The following ZMYND11 variants were observed in gnomAD, a reference collection of about 807,000 sequenced individuals.
ZMYND11 encodes zinc finger MYND-type containing 11, also known as zinc finger MYND domain-containing protein 11.
Under a neutral mutation model 84.9 loss-of-function variants are expected in ZMYND11, and 9 were observed. The observed-to-expected ratio is 0.11, with a 90% CI of 0.06 to 0.18. ZMYND11 has a LOEUF of 0.18. Among genes scored for constraint, ZMYND11 ranks in the 10% least tolerant of loss-of-function variants. The pLI is 1.00. For synonymous variants in ZMYND11, 250 were observed against 244.1 expected (o/e 1.02, Z -0.23); for missense variants, 409 against 761.0 (o/e 0.54, Z 5.44).
intron 1 of ZMYND11, among the ~76,000 whole-genome samples, chr10:175,565 G>A (rs1554766766): frequency 6.6e-6 from 1 of 151,874 alleles, no homozygotes; most frequent in Non-Finnish European, 1.5e-5. Context: ...GCGAAACTCC[G>A]CCTCAAAAAA....
chr10:190,237 G>A (rs1230060233), intron 2 of ZMYND11, among the ~76,000 whole-genome samples: 1 of 152,076 alleles, frequency 6.6e-6, no homozygotes, highest in Non-Finnish European at 1.5e-5. Context: ...CCCTAGCTTT[G>A]CTAGTCTCTG....
intron 5 of ZMYND11, 128 bp downstream of exon 5, chr10:237,043 C>T (rs887002543): frequency 4.2e-5 from 33 of 781,944 alleles, no homozygotes; most frequent in East Asian, 5.9e-5. Flanking sequence ...GAGAGCACCC[C>T]GTCATGTCAT....
chr10:147,408 G>C (rs1437502993), intron 1 of ZMYND11, among the ~76,000 whole-genome samples: 3 of 151,964 alleles, frequency 2.0e-5, no homozygotes, highest in Admixed American at 2.0e-4. Context: ...TTCATATTTT[G>C]AGGTATGTTC....
intron 1 of ZMYND11, among the ~76,000 whole-genome samples, chr10:153,986 T>C (rs1352349211): frequency 6.6e-6 from 1 of 152,194 alleles, no homozygotes; most frequent in Non-Finnish European, 1.5e-5. Context: ...GGGTTTAACG[T>C]TTTCCTGACC....
chr10:149,316 TTATTATTA>T (rs1554756322), intron 1 of ZMYND11, among the ~76,000 whole-genome samples: 2 of 148,264 alleles, frequency 1.3e-5, no homozygotes. Context: ...ATTATTATTA[TTATTATTA>T]TTTTTCAGAC....
At chr10:177,679 AT>A (rs1421914129) in intron 1 of ZMYND11, among the ~76,000 whole-genome samples, 4 of 152,042 alleles carry the variant, frequency 2.6e-5, no homozygotes, top group Non-Finnish European at 5.9e-5. Flanking sequence ...GCTTTGCTGT[AT>A]TTTTTATAGT....
intron 4 of ZMYND11, among the ~76,000 whole-genome samples, chr10:223,848 G>T (rs1013893700): frequency 1.6e-4 from 25 of 152,020 alleles, no homozygotes; most frequent in Non-Finnish European, 3.1e-4. Context: ...CGTTTTTTAG[G>T]AGAGTGACCA....
intron 2 of ZMYND11, among the ~76,000 whole-genome samples, chr10:184,317 C>T (rs951051417): frequency 6.6e-6 from 1 of 152,084 alleles, no homozygotes; most frequent in African/African-American, 2.4e-5. Flanking sequence ...TACACACATC[C>T]TTATTTAGTT....
In ZMYND11 at chr10:173,937, C is replaced by T. The variant is rs1845970542; in HGVS notation, c.-19-6057C>T. Among the ~76,000 whole-genome samples, 4 of 152,106 alleles carry T rather than the reference C, an allele frequency of 2.6e-5. 1 individual carries two copies. In the South Asian group the frequency reaches 8.3e-4, roughly 32 times the overall value. On this transcript the variant is annotated intron_variant, in intron 1 of 14. Transcript: ENST00000381604. ...TGATGAGGATGTGGAACAATAGAAG[C>T]GCTCAGTCATTGCTGGTGGAAGTGC...
chr10:173,308 CTTTTG>C (rs1845806552), intron 1 of ZMYND11, among the ~76,000 whole-genome samples: 4 of 152,130 alleles, frequency 2.6e-5, no homozygotes, highest in Admixed American at 1.3e-4. Flanking sequence ...AAATTTAATA[CTTTTG>C]TTCTGTCAAA....
intron 4 of ZMYND11, among the ~76,000 whole-genome samples, chr10:229,190 ACAGTGGCATT>A (rs1264149760): frequency 7.2e-5 from 11 of 152,208 alleles, no homozygotes; most frequent in Admixed American, 2.0e-4. Context: ...AGATACAGCC[ACAGTGGCATT>A]CAGTGGCATT....
rs1835774345 is a variant in ZMYND11, at chr10:135,605, CG to C, written c.-20+47del. 6.7e-6 allele frequency: 1 copy of C among 149,182 alleles called. No homozygotes were observed. Among genetic ancestry groups the C allele is most frequent in the East Asian group, 2.0e-4 (1 of 5,002 alleles). 9.2% of individuals were successfully genotyped at this position (149,182 alleles called of 1,614,324 possible). On this transcript the variant is annotated intron_variant, in intron 1 of 14. Coordinates refer to ENST00000381604, the MANE Select transcript of ZMYND11 (RefSeq NM_001370100.5). The surrounding 1 kb of genome is among the most constrained non-coding windows in gnomAD (Gnocchi z 5.6). ...GGGCGGCGGGGCGGGCGGGGGCGTC[CG>C]TGGAGATGGCGCGGCCCGCGCGGTG...
intron 4 of ZMYND11, among the ~76,000 whole-genome samples, chr10:222,922 G>T (rs1446228541): frequency 6.6e-6 from 1 of 152,072 alleles, no homozygotes; most frequent in African/African-American, 2.4e-5. Context: ...TATTTCTTAT[G>T]GTAAGAATGG....
chr10:133,883 T>C (rs1230746021), upstream of ZMYND11, among the ~76,000 whole-genome samples: 5 of 152,232 alleles, frequency 3.3e-5, no homozygotes, highest in Admixed American at 2.6e-4. Flanking sequence ...GGGCTGTGAA[T>C]AGCATGAAAG....
chr10:164,647 C>G (rs527376772), intron 1 of ZMYND11, among the ~76,000 whole-genome samples: 4 of 152,168 alleles, frequency 2.6e-5, no homozygotes, highest in Non-Finnish European at 5.9e-5. Context: ...CAAATCCACA[C>G]GTGGCCTCAC....
chr10:184,898 C>CA lies in ZMYND11; in HGVS notation c.116+4770_116+4771insA, dbSNP rs1474930011. Among the ~76,000 whole-genome samples the CA allele has an allele frequency of 8.1e-5, 11 of 136,188 alleles. No homozygotes were observed. In the East Asian group the frequency reaches 1.0e-3, roughly 13 times the overall value. The allele number at this position is 136,188 out of a possible 152,430, so 89.3% of individuals were successfully genotyped here. The stretch of plus-strand genomic sequence containing the variant: ...CCTGGGTTTTTCTCCATCTTTTCCC[C>CA]GTTTTTTTTTGTGGAATCACCTTTT... On this transcript the variant is annotated intron_variant, in intron 2 of 14. Transcript: ENST00000381604.
At chr10:143,893 C>A (rs1229398964) in intron 1 of ZMYND11, among the ~76,000 whole-genome samples, 3 of 151,850 alleles carry the variant, frequency 2.0e-5, no homozygotes, top group Non-Finnish European at 2.9e-5. Context: ...CATCACAACA[C>A]TTTGGGAGGC....
chr10:150,485 T>C (rs1417123295), intron 1 of ZMYND11, among the ~76,000 whole-genome samples: 1 of 152,258 alleles, frequency 6.6e-6, no homozygotes, highest in Admixed American at 6.5e-5. Flanking sequence ...TAATTGCGTC[T>C]ATTTGATTCT....
intron 2 of ZMYND11, among the ~76,000 whole-genome samples, chr10:209,003 A>ATG (rs572756224): frequency 0.013 from 2,002 of 150,724 alleles, 31 homozygotes; most frequent in African/African-American, 0.043. Flanking sequence ...ATTGACATTG[A>ATG]TGTGTGTGTG....
Sources: allele counts gnomAD v4.1 joint callset (sites outside exome capture counted in the v4.1 genomes callset), GRCh38; gene constraint gnomAD v4.1.1; non-coding constraint Gnocchi (gnomAD v3.1); transcripts MANE v1.5; gene names NCBI Gene and HGNC (gene_info 2026-07-23, HGNC 2026-07-21).